Variants in CRYGN observed in about 807,000 individuals in gnomAD.
The protein encoded by CRYGN is gamma-crystallin N.
CRYGN carries 17 observed loss-of-function variants against 19.2 expected under a neutral mutation model. The observed-to-expected ratio is 0.89, with a 90% CI of 0.61 to 1.33. The LOEUF is 1.33. Among genes scored for constraint, CRYGN ranks in the 40% most tolerant of loss-of-function variants. The pLI is 0.00. For synonymous variants in CRYGN, 84 were observed against 85.8 expected (o/e 0.98, Z 0.12); for missense variants, 239 against 239.6 (o/e 1.00, Z 0.02).
rs1383823619 is a variant in CRYGN at position 151,431,871 on chromosome 7, C to A, written c.417-1691G>T. The A allele has an allele frequency of 1.2e-5, 3 of 248,302 alleles. No homozygotes were observed. In the East Asian group the frequency reaches 2.1e-4, roughly 17 times the overall value. The allele number at this position is 248,302 out of a possible 1,614,324, so 15.4% of individuals were successfully genotyped here. A position where few individuals can be genotyped will look rare whatever the true frequency, so the allele number is the denominator to read the frequency against. On this transcript the variant is annotated intron_variant, in intron 3 of 3. Coordinates refer to ENST00000337323, the MANE Select transcript of CRYGN (RefSeq NM_144727.3). The surrounding 1 kb of genome is among the most constrained non-coding windows in gnomAD (Gnocchi z 4.8). ...CAAGCGAGCCTGGGGAGTCCTGAACCGGCCTGGGTTCCGGCCCTGCCCCAT... is the reference window on the plus strand; with the variant it reads ...CAAGCGAGCCTGGGGAGTCCTGAACAGGCCTGGGTTCCGGCCCTGCCCCAT...
chr7:151,438,001 C>G lies in CRYGN; in HGVS notation c.265G>C (p.Gly89Arg). The G allele has an allele frequency of 6.2e-7, 1 of 1,613,148 alleles. No individual in the cohort carries two copies. Among genetic ancestry groups the G allele is most frequent in the Non-Finnish European group, 8.5e-7 (1 of 1,180,040 alleles). ...SDHMGSCRPV[G>R]MHGEHFRLEI... ...CGGTGGACGGGCCCACTCACCATTC[C>G]TACAGGCCGACAGGAGCCCATGTGG... The change falls in exon 2 of 4, where the codon GGA becomes CGA. Residue 89 changes from glycine to arginine, a missense_variant. Gly to Arg is a moderately radical substitution (Grantham distance 125, BLOSUM62 -2). Transcript: ENST00000337323.
At position 151,430,918 on chromosome 7, in the gene CRYGN, G is replaced by C. The variant is rs936036582; in HGVS notation, c.417-738C>G. 6.6e-6 allele frequency among the ~76,000 whole-genome samples: 1 copy of C among 152,110 alleles called. No homozygotes were observed. Among genetic ancestry groups the C allele is most frequent in the Non-Finnish European group, 1.5e-5 (1 of 68,020 alleles). On this transcript the variant is annotated intron_variant, in intron 3 of 3. Transcript: ENST00000337323. This position sits in a 1 kb window ranked among gnomAD's most constrained non-coding sequence, Gnocchi z 5.2. ...CACAGCCAGAACTCTGTGGGCACAC[G>C]GGTGATCCAACCCATGCACCTGGCC...
At position 151,431,915 on chromosome 7, in the gene CRYGN, C is replaced by T; in HGVS notation, c.417-1735G>A. On this transcript the variant is annotated intron_variant, in intron 3 of 3. Transcript: ENST00000337323. The surrounding 1 kb of genome is among the most constrained non-coding windows in gnomAD (Gnocchi z 4.8). ...GCCCCATCCCCATTGCTTCTCACCA[C>T]CTCTCCCCACCACTCTCCCCTCCCT... 6.3e-6 allele frequency: 2 copies of T among 318,490 alleles called. No homozygotes were observed. Among genetic ancestry groups the T allele is most frequent in the Non-Finnish European group, 1.1e-5 (2 of 175,274 alleles). 19.7% of individuals were successfully genotyped at this position (318,490 alleles called of 1,614,324 possible). A position where few individuals can be genotyped will look rare whatever the true frequency, so the allele number is the denominator to read the frequency against.
At chr7:151,439,566 G>T (rs1272834192) in intron 1 of CRYGN, among the ~76,000 whole-genome samples, 1 of 152,158 alleles carries the variant, frequency 6.6e-6, no homozygotes, top group Non-Finnish European at 1.5e-5. Flanking sequence ...CTTGGGCAAA[G>T]AAGCCGCAGC....
chr7:151,436,452 A>G lies in CRYGN; in HGVS notation c.271-127T>C. The G allele has an allele frequency of 1.5e-6, 1 of 673,538 alleles. No individual in the cohort carries two copies. Among genetic ancestry groups the G allele is most frequent in the South Asian group, 3.0e-5 (1 of 33,008 alleles). 41.7% of individuals were successfully genotyped at this position (673,538 alleles called of 1,614,324 possible). A position where few individuals can be genotyped will look rare whatever the true frequency, so the allele number is the denominator to read the frequency against. On this transcript the variant is annotated intron_variant, in intron 2 of 3. Coordinates refer to ENST00000337323, the MANE Select transcript of CRYGN (RefSeq NM_144727.3). This position sits in a 1 kb window ranked among gnomAD's most constrained non-coding sequence, Gnocchi z 5.1. ...GGCACTGGGCACCCCCACCCCACAC[A>G]CTTCAACCCCACACTTCTGTTTGTT...
chr7:151,440,184 C>T, upstream of CRYGN: 1 of 1,109,714 alleles, frequency 9.0e-7, no homozygotes, highest in Non-Finnish European at 1.2e-6. Context: ...CCGCCCAGCC[C>T]GCGGCTGCCC....
In CRYGN at chr7:151,430,401, CA is replaced by C. The variant is rs1224892934; in HGVS notation, c.417-222del. Among the ~76,000 whole-genome samples the C allele has an allele frequency of 6.6e-6, 1 of 152,100 alleles. No homozygotes were observed. Among genetic ancestry groups the C allele is most frequent in the African/African-American group, 2.4e-5 (1 of 41,412 alleles). ...ATGGGGCCCCTCCGTCTTTGCCACC[CA>C]GCTCTTGGTGGGGAATTGTCTTGGG... On this transcript the variant is annotated intron_variant, in intron 3 of 3. Coordinates refer to ENST00000337323, the MANE Select transcript of CRYGN (RefSeq NM_144727.3). This position sits in a 1 kb window ranked among gnomAD's most constrained non-coding sequence, Gnocchi z 5.2.
rs769286272 is a variant in CRYGN, at chr7:151,439,891, A to C, written c.21+6T>G. 1 of 1,556,048 alleles carries C rather than the reference A, an allele frequency of 6.4e-7. No individual in the cohort carries two copies. Among genetic ancestry groups the C allele is most frequent in the Admixed American group, 1.9e-5 (1 of 51,700 alleles). On this transcript the variant is annotated splice_donor_region_variant and intron_variant, in intron 1 of 3. Coordinates refer to ENST00000337323, the MANE Select transcript of CRYGN (RefSeq NM_144727.3). ...CGGTTTCCTTGGGGTTGAGGGACGC[A>C]CTCACCTTCCCCGAGCGCTGCGCCA... is the stretch of plus-strand genomic sequence containing the variant.
At position 151,431,436 on chromosome 7, in the gene CRYGN, G is replaced by C. The variant is rs117891058; in HGVS notation, c.417-1256C>G. Among the ~76,000 whole-genome samples the C allele has an allele frequency of 2.5e-4, 38 of 152,310 alleles. No homozygotes were observed. In the East Asian group the frequency reaches 7.0e-3, roughly 28 times the overall value. ...CAACAGGAGGACCCAGTGTCCTGGA[G>C]AGGGCCCAGGAATGGAGGAATTCTA... On this transcript the variant is annotated intron_variant, in intron 3 of 3. Coordinates refer to ENST00000337323, the MANE Select transcript of CRYGN (RefSeq NM_144727.3). The surrounding 1 kb of genome is among the most constrained non-coding windows in gnomAD (Gnocchi z 4.8).
In CRYGN at chr7:151,438,127, C is replaced by T. The variant is rs780563523; in HGVS notation, c.139G>A (p.Gly47Arg). ...NRVNSIHVES[G>R]AWVCFNHPDF... Reference sequence around the variant, plus strand: ...GGGTGATTGAAGCAGACCCAGGCTCCGCTCTCCACGTGGATGGAGTTCACT... The same window carrying T: ...GGGTGATTGAAGCAGACCCAGGCTCTGCTCTCCACGTGGATGGAGTTCACT... The change falls in exon 2 of 4, where the codon GGA becomes AGA. Residue 47 changes from glycine (G) to arginine (R), a missense_variant. Transcript: ENST00000337323. 11 of 1,614,206 alleles carry T rather than the reference C, an allele frequency of 6.8e-6. No individual in the cohort carries two copies. The highest frequency in any genetic ancestry group is 1.7e-5 in the Admixed American group (1 of 60,028).
Position 151,429,769 on chromosome 7 carries a change from A to G in CRYGN, c.*279T>C, listed in dbSNP as rs994702309. 2 of 505,430 alleles carry G rather than the reference A, an allele frequency of 4.0e-6. No homozygotes were observed. The highest frequency in any genetic ancestry group is 3.8e-5 in the African/African-American group (2 of 51,996). 31.3% of individuals were successfully genotyped at this position (505,430 alleles called of 1,614,324 possible). On this transcript the variant is annotated 3_prime_UTR_variant, in exon 4 of 4. Coordinates refer to ENST00000337323, the MANE Select transcript of CRYGN (RefSeq NM_144727.3). ...AATATTCATCAACATCATCACCATC[A>G]TCAGCTGTGGGCTGAGGTGCGAGAT...
At chr7:151,432,746 G>A (rs1801502054) in intron 3 of CRYGN, among the ~76,000 whole-genome samples, 1 of 152,200 alleles carries the variant, frequency 6.6e-6, no homozygotes, top group Non-Finnish European at 1.5e-5. Flanking sequence ...GGAGGTTGCA[G>A]TGAGCCGAGA....
rs901467179 is a variant in CRYGN at position 151,440,123 on chromosome 7, C to A, written c.-206G>T. The A allele has an allele frequency of 1.5e-6, 2 of 1,348,082 alleles. No individual in the cohort carries two copies. The highest frequency in any genetic ancestry group is 1.9e-5 in the South Asian group (1 of 52,920). 83.5% of individuals were successfully genotyped at this position (1,348,082 alleles called of 1,614,324 possible). The stretch of plus-strand genomic sequence containing the variant: ...GTGCAGCCCGCCCTGCCCGGGGTCT[C>A]CCTGTGCTCTCCGCGTTTAGCTCCC... On this transcript the variant is annotated 5_prime_UTR_variant, in exon 1 of 4. Coordinates refer to ENST00000337323, the MANE Select transcript of CRYGN (RefSeq NM_144727.3).
At chr7:151,439,488 A>AT (rs1801706531) in intron 1 of CRYGN, among the ~76,000 whole-genome samples, 1 of 151,908 alleles carries the variant, frequency 6.6e-6, no homozygotes, top group African/African-American at 2.4e-5. Flanking sequence ...AAATCTCAAC[A>AT]TTTTTCAGAG....
At position 151,429,183 on chromosome 7, in the gene CRYGN, C is replaced by G. The variant is rs1463927661; in HGVS notation, c.*865G>C. ...TACCACTGCTGTACGTCTGAAGACA[C>G]TGAGACACACAGCAGTGGCTTCTCC... On this transcript the variant is annotated 3_prime_UTR_variant, in exon 4 of 4. Coordinates refer to ENST00000337323, the MANE Select transcript of CRYGN (RefSeq NM_144727.3). 1 of 152,440 alleles carries G rather than the reference C, an allele frequency of 6.6e-6. No homozygotes were observed. Among genetic ancestry groups the G allele is most frequent in the Non-Finnish European group, 1.5e-5 (1 of 68,066 alleles). 9.4% of individuals were successfully genotyped at this position (152,440 alleles called of 1,614,324 possible).
At position 151,435,120 on chromosome 7, in the gene CRYGN, C is replaced by A. The variant is rs1163256720; in HGVS notation, c.416+1060G>T. Among the ~76,000 whole-genome samples, 1 of 152,346 alleles carries A rather than the reference C, an allele frequency of 6.6e-6. No homozygotes were observed. Among genetic ancestry groups the A allele is most frequent in the East Asian group, 1.9e-4 (1 of 5,186 alleles). ...TCTCTGTCTCCCTGCAGTCCCTCTG[C>A]CCCCTGCATCCCCTCCGAAGCTCCC... On this transcript the variant is annotated intron_variant, in intron 3 of 3. Coordinates refer to ENST00000337323, the MANE Select transcript of CRYGN (RefSeq NM_144727.3). This position sits in a 1 kb window ranked among gnomAD's most constrained non-coding sequence, Gnocchi z 4.2.
intron 1 of CRYGN, chr7:151,439,229 G>C (rs1350341595): frequency 6.6e-6 from 1 of 152,406 alleles, no homozygotes; most frequent in Middle Eastern, 3.4e-3. Flanking sequence ...GCACCCCAGA[G>C]TTACTGGGGC....
chr7:151,432,340 GGAGA>G, intron 3 of CRYGN: 1 of 1,044,544 alleles, frequency 9.6e-7, no homozygotes, highest in Non-Finnish European at 1.2e-6. Context: ...CCGGGACTCC[GGAGA>G]GAAAAGCCTG....
rs1801582973 is a variant in CRYGN at position 151,435,589 on chromosome 7, T to C, written c.416+591A>G. ...CAAACCCATCTGGGCCTGGGCAAAA[T>C]TCCCCCAGCTACTTTCTGTCCAGGA... On this transcript the variant is annotated intron_variant, in intron 3 of 3. Coordinates refer to ENST00000337323, the MANE Select transcript of CRYGN (RefSeq NM_144727.3). The surrounding 1 kb of genome is among the most constrained non-coding windows in gnomAD (Gnocchi z 4.2). Among the ~76,000 whole-genome samples the C allele has an allele frequency of 6.6e-6, 1 of 152,040 alleles. No homozygotes were observed. Among genetic ancestry groups the C allele is most frequent in the Admixed American group, 6.5e-5 (1 of 15,276 alleles).
Sources: gnomAD v4.1 joint callset for allele counts (sites outside exome capture counted in the v4.1 genomes callset) on GRCh38, gnomAD v4.1.1 for gene constraint, Gnocchi (gnomAD v3.1) non-coding constraint, MANE v1.5 for transcripts, NCBI Gene and HGNC (gene_info 2026-07-23, HGNC 2026-07-21) for gene names.